Variants in NLK observed in about 807,000 individuals in gnomAD.
NLK encodes serine/threonine-protein kinase NLK.
Under a neutral mutation model 59.0 loss-of-function variants are expected in NLK, and 11 were observed. The observed-to-expected ratio is 0.19, with a 90% CI of 0.12 to 0.31. The LOEUF is 0.31. Ranked by LOEUF, NLK falls within the 10% of genes least tolerant of loss-of-function variation. The probability of loss-of-function intolerance (pLI) is 1.00; values close to 1 mark genes in which losing one functional copy is unlikely to be tolerated. For synonymous variants in NLK, 235 were observed against 235.9 expected (o/e 1.00, Z 0.03); for missense variants, 410 against 661.1 (o/e 0.62, Z 4.16).
chr17:28,106,379 G>A (rs1024816984), intron 1 of NLK, among the ~76,000 whole-genome samples: 11 of 152,040 alleles, frequency 7.2e-5, no homozygotes, highest in African/African-American at 4.8e-5. Flanking sequence ...TAAAATTGAG[G>A]TATATCTTAT....
intron 1 of NLK, among the ~76,000 whole-genome samples, chr17:28,103,382 G>A (rs780962710): frequency 6.6e-6 from 1 of 152,148 alleles, no homozygotes; most frequent in Non-Finnish European, 1.5e-5. Flanking sequence ...GAACTTTGGA[G>A]CTTTTGCAGT....
chr17:28,047,520 T>C (rs1295498352), intron 1 of NLK, among the ~76,000 whole-genome samples: 2 of 152,226 alleles, frequency 1.3e-5, no homozygotes, highest in South Asian at 2.1e-4. Flanking sequence ...GAAAGTATTA[T>C]GGATTTATAT....
At chr17:28,063,343 A>G (rs749277092) in intron 1 of NLK, among the ~76,000 whole-genome samples, 4 of 152,226 alleles carry the variant, frequency 2.6e-5, no homozygotes, top group Admixed American at 6.5e-5. Context: ...GAGTACTCTC[A>G]ATGTTGGATA....
chr17:28,194,853 A>G lies in NLK; in HGVS notation c.*217A>G, dbSNP rs1438076813. ...CTTTTAGAAGAAAAATATTTTACCCAGAGTTGCACATGTTTTATGAATTTA... is the reference window on the plus strand; with the variant it reads ...CTTTTAGAAGAAAAATATTTTACCCGGAGTTGCACATGTTTTATGAATTTA... On this transcript the variant is annotated 3_prime_UTR_variant, in exon 11 of 11. Transcript: ENST00000407008. 5.2e-6 allele frequency: 2 copies of G among 388,182 alleles called. No individual in the cohort carries two copies. Among genetic ancestry groups the G allele is most frequent in the Non-Finnish European group, 9.2e-6 (2 of 218,030 alleles). The allele number at this position is 388,182 out of a possible 1,614,324, so 24.0% of individuals were successfully genotyped here. A position where few individuals can be genotyped will look rare whatever the true frequency, so the allele number is the denominator to read the frequency against.
At chr17:28,065,969 T>G (rs575684791) in intron 1 of NLK, among the ~76,000 whole-genome samples, 2 of 152,278 alleles carry the variant, frequency 1.3e-5, no homozygotes, top group South Asian at 4.1e-4. Flanking sequence ...ATTCCCCTAT[T>G]TCACAGAGAA....
chr17:28,058,019 A>T (rs1455140152), intron 1 of NLK, among the ~76,000 whole-genome samples: 1 of 152,246 alleles, frequency 6.6e-6, no homozygotes, highest in Non-Finnish European at 1.5e-5. Flanking sequence ...AAATCCAATG[A>T]CAGCAAGGCT....
intron 1 of NLK, among the ~76,000 whole-genome samples, chr17:28,111,744 TG>T (rs1343310784): frequency 2.6e-5 from 4 of 152,248 alleles, no homozygotes; most frequent in Admixed American, 6.5e-5. Flanking sequence ...AATTTTGTTT[TG>T]TTTTTTTTAA....
intron 10 of NLK, among the ~76,000 whole-genome samples, chr17:28,193,181 G>A (rs994797804): frequency 2.0e-5 from 3 of 152,230 alleles, no homozygotes; most frequent in Non-Finnish European, 2.9e-5. Flanking sequence ...AGAGGATTCT[G>A]AAGGCTGCTG....
chr17:28,185,217 T>C lies in NLK; in HGVS notation c.1188T>C (p.Ala396=). The part of the protein sequence containing the change: ...LPVLYTLSSQ[A]THEAVHLLCR... Reference sequence around the variant, plus strand: ...TACTCTATACCCTGTCTAGCCAGGCTACACATGAAGCTGTTCATCTCCTTT... The same window carrying C: ...TACTCTATACCCTGTCTAGCCAGGCCACACATGAAGCTGTTCATCTCCTTT... The change falls in exon 8 of 11, where the codon GCT becomes GCC. Residue 396 remains alanine, a synonymous_variant. Transcript: ENST00000407008. The C allele has an allele frequency of 6.3e-7, 1 of 1,596,356 alleles. No homozygotes were observed. The highest frequency in any genetic ancestry group is 8.5e-7 in the Non-Finnish European group (1 of 1,170,430).
chr17:28,148,955 G>T (rs1907366089), intron 3 of NLK, among the ~76,000 whole-genome samples: 1 of 152,212 alleles, frequency 6.6e-6, no homozygotes, highest in African/African-American at 2.4e-5. Flanking sequence ...TGCTACTTGT[G>T]TTGTGGGGAT....
chr17:28,070,052 A>G (rs769231071), intron 1 of NLK, among the ~76,000 whole-genome samples: 1 of 152,020 alleles, frequency 6.6e-6, no homozygotes, highest in Non-Finnish European at 1.5e-5. Context: ...CCTGGCCAAC[A>G]TGGTGAAACC....
At chr17:28,144,761 G>A (rs1435500994) in intron 3 of NLK, among the ~76,000 whole-genome samples, 1 of 152,160 alleles carries the variant, frequency 6.6e-6, no homozygotes, top group Non-Finnish European at 1.5e-5. Context: ...GACACCAGGA[G>A]GCATGTGTTA....
chr17:28,121,958 A>G (rs776927249), intron 1 of NLK, among the ~76,000 whole-genome samples: 16 of 152,182 alleles, frequency 1.1e-4, no homozygotes, highest in Non-Finnish European at 1.9e-4. Flanking sequence ...GGGGGGACAC[A>G]GTTATTAAAA....
the NLK span, among the ~76,000 whole-genome samples, chr17:28,204,250 G>A: frequency 6.6e-6 from 1 of 152,206 alleles, no homozygotes; most frequent in Non-Finnish European, 1.5e-5. Flanking sequence ...AGAGTTTGTG[G>A]TCTGAGCCGC....
At chr17:28,082,596 CCT>C (rs1364114263) in intron 1 of NLK, among the ~76,000 whole-genome samples, 1 of 152,126 alleles carries the variant, frequency 6.6e-6, no homozygotes, top group Non-Finnish European at 1.5e-5. Context: ...AGCACAGTCC[CCT>C]GTGTTTCCCG....
At chr17:28,153,573 A>G (rs1264211688) in intron 3 of NLK, among the ~76,000 whole-genome samples, 2 of 152,176 alleles carry the variant, frequency 1.3e-5, no homozygotes, top group Non-Finnish European at 2.9e-5. Context: ...AATCACATCT[A>G]TTTGGGGGTT....
chr17:28,064,174 CT>C (rs66949112), intron 1 of NLK, among the ~76,000 whole-genome samples: 110 of 99,620 alleles, frequency 1.1e-3, no homozygotes, highest in Middle Eastern at 6.0e-3. Flanking sequence ...AGTTAGCAAA[CT>C]TTTTTTTTTT....
intron 3 of NLK, among the ~76,000 whole-genome samples, chr17:28,137,181 T>G (rs1259446569): frequency 6.6e-6 from 1 of 152,192 alleles, no homozygotes. Flanking sequence ...GATTATTGTG[T>G]CTACAGATTT....
At chr17:28,175,673 A>G (rs1320500115) in intron 7 of NLK, among the ~76,000 whole-genome samples, 2 of 152,210 alleles carry the variant, frequency 1.3e-5, no homozygotes, top group Admixed American at 1.3e-4. Flanking sequence ...ACCTCATTAA[A>G]TTGTTACAGT....
Sources: allele counts gnomAD v4.1 joint callset (sites outside exome capture counted in the v4.1 genomes callset), GRCh38; gene constraint gnomAD v4.1.1; transcripts MANE v1.5; gene names NCBI Gene and HGNC (gene_info 2026-07-23, HGNC 2026-07-21).